The following POLR1A variants were observed in gnomAD, a reference collection of about 807,000 sequenced individuals.
POLR1A encodes DNA-directed RNA polymerase I subunit RPA1.
Under a neutral mutation model 205.3 loss-of-function variants are expected in POLR1A, and 84 were observed. The ratio of observed to expected loss-of-function variants is 0.41; its 90% CI spans 0.34 to 0.49. The LOEUF (loss-of-function observed/expected upper bound fraction) is 0.49, where lower values mean the gene tolerates loss of function less well. Ranked by LOEUF, POLR1A falls within the 20% of genes least tolerant of loss-of-function variation. The probability of loss-of-function intolerance (pLI) is 0.22; values close to 1 mark genes in which losing one functional copy is unlikely to be tolerated. For synonymous variants in POLR1A, 799 were observed against 863.7 expected (o/e 0.93, Z 1.31); for missense variants, 1,645 against 2,204.5 (o/e 0.75, Z 5.08).
At chr2:86,064,431 C>T (rs1035966047) in intron 14 of POLR1A, among the ~76,000 whole-genome samples, 2 of 152,008 alleles carry the variant, frequency 1.3e-5, no homozygotes, top group Admixed American at 6.6e-5. Context: ...ATTATTTGGT[C>T]GCCACATATC....
At chr2:86,040,158 G>A in intron 25 of POLR1A, 1 of 393,036 alleles carries the variant, frequency 2.5e-6, no homozygotes, top group East Asian at 3.8e-5. Context: ...CAGGAACGTG[G>A]ATGCAGGAGT....
chr2:86,100,053 G>A lies in POLR1A; in HGVS notation c.197C>T (p.Thr66Ile), dbSNP rs979633780. Residue 66 changes from threonine (T) to isoleucine (I), a missense_variant, in exon 2 of 34, where the codon ACC (threonine) becomes ATC (isoleucine). Thr to Ile is a moderately conservative substitution (Grantham distance 89, BLOSUM62 -1). This residue lies in a region of POLR1A where 330 missense variants were observed against 375.6 expected (regional missense o/e 0.88). Coordinates refer to ENST00000263857, the MANE Select transcript of POLR1A (RefSeq NM_015425.6). Reference sequence around the variant, plus strand: ...ACAGTTGCTGAAGTCCTGCACGCAGGTGGAGCACACCTCTTTGGAATCTGC... The same window carrying A: ...ACAGTTGCTGAAGTCCTGCACGCAGATGGAGCACACCTCTTTGGAATCTGC... ...GPADSKEVCS[T>I]CVQDFSNCSG... The A allele has an allele frequency of 6.2e-7, 1 of 1,614,226 alleles. No individual in the cohort carries two copies. Among genetic ancestry groups the A allele is most frequent in the Admixed American group, 1.7e-5 (1 of 60,032 alleles).
chr2:86,100,296 A>C, intron 1 of POLR1A, 124 bp from the exon 2 acceptor site: 1 of 723,120 alleles, frequency 1.4e-6, no homozygotes, highest in Admixed American at 2.3e-5. Context: ...GGAGGGCACA[A>C]TCTGTCTTTC....
rs1360191236 is a variant in POLR1A at position 86,078,403 on chromosome 2, T to C, written c.1087-119A>G. 8.5e-6 allele frequency: 6 copies of C among 706,712 alleles called. No homozygotes were observed. The African/African-American group carries it at 1.1e-4, about 13-fold the overall frequency. The allele number at this position is 706,712 out of a possible 1,614,324, so 43.8% of individuals were successfully genotyped here. A position where few individuals can be genotyped will look rare whatever the true frequency, so the allele number is the denominator to read the frequency against. On this transcript the variant is annotated intron_variant, in intron 9 of 33. Coordinates refer to ENST00000263857, the MANE Select transcript of POLR1A (RefSeq NM_015425.6). Reference sequence around the variant, plus strand: ...ACTATGCACTCTGGAGTTTATCTCCTCTGAACCTGACAGATCAGAGACAAA... The same window carrying C: ...ACTATGCACTCTGGAGTTTATCTCCCCTGAACCTGACAGATCAGAGACAAA...
chr2:86,058,193 T>G (rs1313910938), intron 14 of POLR1A, among the ~76,000 whole-genome samples: 1 of 152,168 alleles, frequency 6.6e-6, no homozygotes, highest in African/African-American at 2.4e-5. Flanking sequence ...CTCCACCTCC[T>G]GGGTTCAAGT....
At chr2:86,089,224 G>C (rs550667344) in intron 4 of POLR1A, among the ~76,000 whole-genome samples, 2 of 152,356 alleles carry the variant, frequency 1.3e-5, no homozygotes, top group South Asian at 4.1e-4. Context: ...GATGCAGCTG[G>C]CCTGCCTCAG....
rs3770074 is a variant in POLR1A at position 86,075,788 on chromosome 2, G to A, written c.1381-528C>T. ...CTCCCAAAGTGCTGGGATTACAGGC[G>A]TGAGCCACCGCGCCCAGCCAATTTT... is the stretch of plus-strand genomic sequence containing the variant. On this transcript the variant is annotated intron_variant, in intron 11 of 33. Coordinates refer to ENST00000263857, the MANE Select transcript of POLR1A (RefSeq NM_015425.6). Among the ~76,000 whole-genome samples, 8 of 152,326 alleles carry A rather than the reference G, an allele frequency of 5.3e-5. No individual in the cohort carries two copies. The East Asian group carries it at 1.5e-3, about 29-fold the overall frequency.
Position 86,098,778 on chromosome 2 carries a change from AAAC to A in POLR1A, c.283-21_283-19del. 1 of 1,613,436 alleles carries A rather than the reference AAAC, an allele frequency of 6.2e-7. No individual in the cohort carries two copies. The highest frequency in any genetic ancestry group is 1.1e-5 in the South Asian group (1 of 91,044). On this transcript the variant is annotated intron_variant, in intron 2 of 33. Coordinates refer to ENST00000263857, the MANE Select transcript of POLR1A (RefSeq NM_015425.6). Reference sequence around the variant, plus strand: ...TACAGCTTCTGAAGAGAGGGAATAAAAACAAACAGGATATTAGAAAGAGACACA... The same window carrying A: ...TACAGCTTCTGAAGAGAGGGAATAAAAAACAGGATATTAGAAAGAGACACA...
intron 11 of POLR1A, among the ~76,000 whole-genome samples, chr2:86,076,144 C>T (rs1573825103): frequency 6.6e-6 from 1 of 152,290 alleles, no homozygotes; most frequent in East Asian, 1.9e-4. Flanking sequence ...AAACAAGTTC[C>T]CTGTTAAATG....
At chr2:86,100,280 A>G (rs1673788324) in intron 1 of POLR1A, 108 bp from the exon 2 acceptor site, 1 of 807,236 alleles carries the variant, frequency 1.2e-6, no homozygotes. Flanking sequence ...CCTGCTTGAT[A>G]GCTCTGGAGG....
intron 12 of POLR1A, among the ~76,000 whole-genome samples, chr2:86,073,511 C>G (rs748973544): frequency 2.0e-5 from 3 of 152,210 alleles, no homozygotes; most frequent in Non-Finnish European, 4.4e-5. Flanking sequence ...CTGGCCCCAG[C>G]ACCTGGCTCA....
At position 86,099,882 on chromosome 2, in the gene POLR1A, T is replaced by TTTCATTGGAGTG. The variant is rs1673781288; in HGVS notation, c.282+85_282+86insCACTCCAATGAA. 2.6e-6 allele frequency: 3 copies of TTTCATTGGAGTG among 1,147,992 alleles called. No homozygotes were observed. In the East Asian group the frequency reaches 7.1e-5, roughly 27 times the overall value. The allele number at this position is 1,147,992 out of a possible 1,614,324, so 71.1% of individuals were successfully genotyped here. ...TCATTGGAGTGCCTGGGGCTTAACC[T>TTTCATTGGAGTG]CCTTAGACCACTCTTGTGGGAGAGA... is the stretch of plus-strand genomic sequence containing the variant. On this transcript the variant is annotated intron_variant, in intron 2 of 33. Coordinates refer to ENST00000263857, the MANE Select transcript of POLR1A (RefSeq NM_015425.6).
In POLR1A at chr2:86,042,993, C is replaced by T. The variant is rs557987955; in HGVS notation, c.3338G>A (p.Arg1113His). 32 of 1,613,594 alleles carry T rather than the reference C, an allele frequency of 2.0e-5. No individual in the cohort carries two copies. Among genetic ancestry groups the T allele is most frequent in the Middle Eastern group, 1.7e-4 (1 of 6,016 alleles). ...CATCACCTCCTGAGTCCCAGGGCTG[C>T]GGCCATTGCGGTTTTCACTCTCAAG... is the stretch of plus-strand genomic sequence containing the variant. ...LKLESENRNG[R>H]SPGTQEMLRM... The change falls in exon 23 of 34, where the codon CGC (arginine) becomes CAC (histidine). Residue 1113 changes from arginine (R) to histidine (H), a missense_variant. Coordinates refer to ENST00000263857, the MANE Select transcript of POLR1A (RefSeq NM_015425.6).
intron 14 of POLR1A, among the ~76,000 whole-genome samples, chr2:86,060,593 C>G (rs1573816782): frequency 6.6e-6 from 1 of 152,274 alleles, no homozygotes; most frequent in East Asian, 1.9e-4. Flanking sequence ...GTGGACTTTT[C>G]AACAAATGAT....
In POLR1A at chr2:86,100,118, G is replaced by C; in HGVS notation, c.132C>G (p.Asn44Lys). Residue 44 changes from asparagine (N) to lysine (K), a missense_variant, in exon 2 of 34, where the codon AAC becomes AAG. This residue lies in a region of POLR1A where 330 missense variants were observed against 375.6 expected (regional missense o/e 0.88). Coordinates refer to ENST00000263857, the MANE Select transcript of POLR1A (RefSeq NM_015425.6). ...TNPRYLDSLG[N>K]PSANGLYDLA... ...AATCGTACAGGCCGTTTGCCGATGG[G>C]TTCCCCAGGCTGTCCAGGTATCGAG... 6.2e-7 allele frequency: 1 copy of C among 1,614,170 alleles called. No individual in the cohort carries two copies. The highest frequency in any genetic ancestry group is 8.5e-7 in the Non-Finnish European group (1 of 1,180,004).
At position 86,026,178 on chromosome 2, in the gene POLR1A, G is replaced by C. The variant is rs1672244055; in HGVS notation, c.*1245C>G. On this transcript the variant is annotated 3_prime_UTR_variant, in exon 34 of 34. Transcript: ENST00000263857. Reference sequence around the variant, plus strand: ...ACAGCAGAGGCAGGCCAGGGGCAGAGGTGGAGGAGGCTGCAGAGGCTGAGC... The same window carrying C: ...ACAGCAGAGGCAGGCCAGGGGCAGACGTGGAGGAGGCTGCAGAGGCTGAGC... The C allele has an allele frequency of 6.6e-6, 1 of 152,436 alleles. No individual in the cohort carries two copies. The highest frequency in any genetic ancestry group is 2.1e-4 in the South Asian group (1 of 4,828). The allele number at this position is 152,436 out of a possible 1,614,324, so 9.4% of individuals were successfully genotyped here.
intron 30 of POLR1A, 55 bp downstream of exon 30, chr2:86,031,275 G>C: frequency 6.6e-7 from 1 of 1,506,262 alleles, no homozygotes; most frequent in East Asian, 2.3e-5. Context: ...TTCCACAGAG[G>C]GATTTGGCCA....
intron 16 of POLR1A, among the ~76,000 whole-genome samples, chr2:86,051,881 C>T (rs947351918): frequency 4.6e-5 from 7 of 152,238 alleles, no homozygotes; most frequent in African/African-American, 7.2e-5. Flanking sequence ...AGTTCCTCTT[C>T]GTGTCTTAGG....
chr2:86,053,811 C>T (rs903721835), intron 15 of POLR1A, among the ~76,000 whole-genome samples: 5 of 152,266 alleles, frequency 3.3e-5, no homozygotes, highest in African/African-American at 9.6e-5. Context: ...GGTGTGGAGC[C>T]TTATACCAGT....
Sources: gnomAD v4.1 joint callset for allele counts (sites outside exome capture counted in the v4.1 genomes callset) on GRCh38, gnomAD v4.1.1 for gene constraint, gnomAD v4.1.1 regional missense constraint, MANE v1.5 for transcripts, NCBI Gene and HGNC (gene_info 2026-07-23, HGNC 2026-07-21) for gene names.